DAB1: variants seen among roughly 807,000 people sequenced by gnomAD.
DAB1 encodes the protein DAB adaptor protein 1.
DAB1 carries 15 observed loss-of-function variants against 64.6 expected under a neutral mutation model. That is an observed-to-expected ratio of 0.23 (90% CI 0.16 to 0.36). The LOEUF (loss-of-function observed/expected upper bound fraction) is 0.36, where lower values mean the gene tolerates loss of function less well. Among genes scored for constraint, DAB1 ranks in the 10% least tolerant of loss-of-function variants. The probability of loss-of-function intolerance (pLI) is 1.00; values close to 1 mark genes in which losing one functional copy is unlikely to be tolerated. For missense variants in DAB1, 596 were observed against 706.7 expected (o/e 0.84, Z 1.78); for synonymous variants, 235 against 251.9 (o/e 0.93, Z 0.64).
At chr1:57,961,400 C>T (rs1200498081) in intron 5 of DAB1, among the ~76,000 whole-genome samples, 1 of 152,126 alleles carries the variant, frequency 6.6e-6, no homozygotes, top group Admixed American at 6.5e-5. Flanking sequence ...TGGCTCAGAA[C>T]TCCGCCTGTG....
chr1:57,909,838 A>G (rs1220755968), intron 5 of DAB1, among the ~76,000 whole-genome samples: 4 of 152,246 alleles, frequency 2.6e-5, no homozygotes, highest in Non-Finnish European at 5.9e-5. Context: ...TATGGCACAC[A>G]TAAGCTACAA....
chr1:58,076,464 C>T (rs76024522), intron 5 of DAB1, among the ~76,000 whole-genome samples: 3,992 of 152,176 alleles, frequency 0.026, 64 homozygotes, highest in Non-Finnish European at 0.039. Context: ...GAGTGGAAAT[C>T]CATGTCTAGT....
chr1:57,269,406 G>A (rs1220185162), intron 2 of DAB1, among the ~76,000 whole-genome samples: 2 of 152,016 alleles, frequency 1.3e-5, no homozygotes, highest in Non-Finnish European at 2.9e-5. Flanking sequence ...AGATGCCACT[G>A]GTTTACCCTG....
chr1:57,144,643 G>A (rs980499824), intron 3 of DAB1, among the ~76,000 whole-genome samples: 19 of 150,198 alleles, frequency 1.3e-4, no homozygotes, highest in Non-Finnish European at 2.1e-4. Flanking sequence ...GCAGTGAGCC[G>A]AGATTGCGCC....
Position 57,222,914 on chromosome 1 carries a change from T to C in DAB1, c.67+68050A>G, listed in dbSNP as rs1435984801. ...ATTTGCACTTGTTCATACTTTATCA[T>C]TAATACCAGTGAATTGTAACACACT... On this transcript the variant is annotated intron_variant, in intron 2 of 14. Transcript: ENST00000371236. Among the ~76,000 whole-genome samples the C allele has an allele frequency of 2.6e-5, 4 of 152,194 alleles. No homozygotes were observed. In the South Asian group the frequency reaches 6.2e-4, roughly 24 times the overall value.
chr1:57,147,665 A>T (rs1659277222), intron 2 of DAB1, among the ~76,000 whole-genome samples: 1 of 152,178 alleles, frequency 6.6e-6, no homozygotes, highest in African/African-American at 2.4e-5. Flanking sequence ...TCTTCAACAT[A>T]TGACACTATT....
chr1:58,321,868 C>T (rs1662692271), intron 4 of DAB1, among the ~76,000 whole-genome samples: 1 of 152,244 alleles, frequency 6.6e-6, no homozygotes, highest in Non-Finnish European at 1.5e-5. Flanking sequence ...GAAACTTCTA[C>T]AGACTTAAAC....
intron 9 of DAB1, among the ~76,000 whole-genome samples, chr1:57,047,467 A>T (rs983109047): frequency 2.6e-5 from 4 of 152,108 alleles, no homozygotes; most frequent in Non-Finnish European, 5.9e-5. Context: ...CCTTATAAGA[A>T]GGGGAAGAGA....
chr1:58,455,220 G>A (rs994585199), intron 3 of DAB1, among the ~76,000 whole-genome samples: 1 of 152,256 alleles, frequency 6.6e-6, no homozygotes, highest in Admixed American at 6.5e-5. Context: ...ATCCAGCTAT[G>A]ACTTGTGAGC....
chr1:57,333,131 G>A (rs1323298192), intron 1 of DAB1, among the ~76,000 whole-genome samples: 2 of 152,158 alleles, frequency 1.3e-5, no homozygotes, highest in Non-Finnish European at 2.9e-5. Context: ...CATCTGTAAT[G>A]ATCTGCTCAT....
intron 1 of DAB1, among the ~76,000 whole-genome samples, chr1:57,309,478 T>C (rs1674487311): frequency 6.6e-6 from 1 of 152,226 alleles, no homozygotes; most frequent in African/African-American, 2.4e-5. Flanking sequence ...ATGATAAGAC[T>C]TCTGCCCACA....
intron 1 of DAB1, among the ~76,000 whole-genome samples, chr1:57,837,992 G>T (rs1287154623): frequency 6.6e-6 from 1 of 151,830 alleles, no homozygotes; most frequent in Non-Finnish European, 1.5e-5. Flanking sequence ...TCCCCCCACT[G>T]TTACCACCAG....
At chr1:57,997,114 T>C (rs562298533) in intron 5 of DAB1, among the ~76,000 whole-genome samples, 1 of 152,242 alleles carries the variant, frequency 6.6e-6, no homozygotes, top group South Asian at 2.1e-4. Flanking sequence ...AATCTGGTGA[T>C]TAGCAGCTTC....
chr1:58,461,726 C>T (rs1250924171), intron 3 of DAB1, among the ~76,000 whole-genome samples: 1 of 152,204 alleles, frequency 6.6e-6, no homozygotes, highest in Non-Finnish European at 1.5e-5. Context: ...AGGCACTGAA[C>T]TCTCTCTGAG....
At chr1:57,836,420 G>T (rs934728638) in intron 1 of DAB1, among the ~76,000 whole-genome samples, 1 of 152,126 alleles carries the variant, frequency 6.6e-6, no homozygotes, top group African/African-American at 2.4e-5. Flanking sequence ...TAAGCCACTC[G>T]TCATCCTATC....
chr1:58,111,520 G>A (rs1269628101), intron 5 of DAB1, among the ~76,000 whole-genome samples: 1 of 152,156 alleles, frequency 6.6e-6, no homozygotes, highest in East Asian at 1.9e-4. Flanking sequence ...AAAGGGATTT[G>A]ATATTTTTTC....
chr1:58,235,558 T>C (rs146371093), intron 4 of DAB1, among the ~76,000 whole-genome samples: 13 of 152,036 alleles, frequency 8.6e-5, no homozygotes, highest in African/African-American at 2.9e-4. Context: ...ATGTAAAGAG[T>C]GTGTGTGGGT....
chr1:57,142,731 C>G (rs542691995), intron 3 of DAB1, among the ~76,000 whole-genome samples: 1 of 152,126 alleles, frequency 6.6e-6, no homozygotes, highest in South Asian at 2.1e-4. Flanking sequence ...GAGCAGAGGC[C>G]AAATCCTTTT....
intron 4 of DAB1, among the ~76,000 whole-genome samples, chr1:58,252,770 C>A (rs929608982): frequency 3.9e-5 from 6 of 152,168 alleles, no homozygotes; most frequent in African/African-American, 1.2e-4. Flanking sequence ...TGACTTTCTC[C>A]TTCTCTAAGC....
Sources: allele counts gnomAD v4.1 joint callset (sites outside exome capture counted in the v4.1 genomes callset), GRCh38; gene constraint gnomAD v4.1.1; transcripts MANE v1.5; gene names NCBI Gene and HGNC (gene_info 2026-07-23, HGNC 2026-07-21).